The following ANK2 variants were observed in gnomAD, a reference collection of about 807,000 sequenced individuals.
ANK2 encodes ankyrin-2.
In ANK2, 83 loss-of-function variants were observed where a neutral mutation model predicts 360.5. That is an observed-to-expected ratio of 0.23 (90% CI 0.19 to 0.28). The LOEUF (loss-of-function observed/expected upper bound fraction) is 0.28, where lower values mean the gene tolerates loss of function less well. ANK2 is among the 10% of genes least tolerant of loss of function. ANK2 has a pLI of 1.00. For synonymous variants in ANK2, 1,740 were observed against 1,759.5 expected (o/e 0.99, Z 0.28); for missense variants, 4,201 against 4,795.7 (o/e 0.88, Z 3.66).
intron 5 of ANK2, among the ~76,000 whole-genome samples, chr4:113,233,698 G>A (rs551643417): frequency 1.1e-3 from 174 of 152,068 alleles, no homozygotes; most frequent in Admixed American, 3.6e-3. Context: ...ATTGCAACAA[G>A]TTTCTGACAG....
the ANK2 span, among the ~76,000 whole-genome samples, chr4:112,772,492 G>A: frequency 6.6e-6 from 1 of 152,014 alleles, no homozygotes; most frequent in Non-Finnish European, 1.5e-5. Context: ...AGCATATCCT[G>A]AACCCTGTGA....
chr4:112,736,800 A>G, the ANK2 span, among the ~76,000 whole-genome samples: 1,776 of 152,310 alleles, frequency 0.012, 18 homozygotes, highest in Middle Eastern at 0.031. Flanking sequence ...TCATGTAGTG[A>G]GATTGCTGAT....
chr4:113,357,510 C>G lies in ANK2; in HGVS notation c.8892C>G (p.Ile2964Met), dbSNP rs62313245. ...FHSSEVYSVT[I>M]TSPVEDVVVA... The stretch of plus-strand genomic sequence containing the variant: ...CTTCTGAAGTGTATTCTGTTACCAT[C>G]ACATCCCCTGTTGAAGACGTTGTAG... Residue 2964 changes from isoleucine (I) to methionine (M), a missense_variant, in exon 38 of 46, where the codon ATC becomes ATG. Transcript: ENST00000357077. 3.0e-4 allele frequency: 486 copies of G among 1,614,116 alleles called. No homozygotes were observed. The highest frequency in any genetic ancestry group is 3.8e-4 in the Non-Finnish European group (448 of 1,179,986).
intron 4 of ANK2, among the ~76,000 whole-genome samples, chr4:113,227,078 A>G (rs976615991): frequency 6.6e-6 from 1 of 152,188 alleles, no homozygotes; most frequent in Non-Finnish European, 1.5e-5. Context: ...ATGCTTTCCT[A>G]TAAAGTTTAC....
At chr4:112,933,916 T>C (rs2154240003) in intron 2 of ANK2, among the ~76,000 whole-genome samples, 1 of 152,232 alleles carries the variant, frequency 6.6e-6, no homozygotes, top group South Asian at 2.1e-4. Context: ...TTTTTTTTTT[T>C]TGAGAAGCAA....
chr4:113,163,618 G>T (rs1028074491), intron 1 of ANK2, among the ~76,000 whole-genome samples: 36 of 151,680 alleles, frequency 2.4e-4, no homozygotes, highest in African/African-American at 8.0e-4. Flanking sequence ...TACAAAATTA[G>T]CCTGGCATGG....
rs2065382333 is a variant in ANK2, at chr4:113,287,706, A to G, written c.2178+3A>G. 4 of 1,599,210 alleles carry G rather than the reference A, an allele frequency of 2.5e-6. No individual in the cohort carries two copies. In the East Asian group the frequency reaches 8.9e-5, roughly 36 times the overall value. ...CTGATCAGGATGCTCATACAAAGGTAAAGCAAATCACTCTCAGTATTGTGA... is the reference window on the plus strand; with the variant it reads ...CTGATCAGGATGCTCATACAAAGGTGAAGCAAATCACTCTCAGTATTGTGA... On this transcript the variant is annotated splice_donor_region_variant and intron_variant, in intron 19 of 45. Coordinates refer to ENST00000357077, the MANE Select transcript of ANK2 (RefSeq NM_001148.6).
intron 2 of ANK2, among the ~76,000 whole-genome samples, chr4:112,994,521 T>G (rs2047889381): frequency 6.6e-6 from 1 of 152,228 alleles, no homozygotes; most frequent in African/African-American, 2.4e-5. Flanking sequence ...GTTAAAGTAC[T>G]CAGAATGTAA....
At chr4:113,184,265 A>T (rs1022544723) in intron 2 of ANK2, among the ~76,000 whole-genome samples, 1 of 151,820 alleles carries the variant, frequency 6.6e-6, no homozygotes, top group Non-Finnish European at 1.5e-5. Context: ...AAAAGGAGGT[A>T]TACAGAAGTG....
At chr4:112,860,312 C>T (rs1316491872) in intron 1 of ANK2, among the ~76,000 whole-genome samples, 5 of 152,010 alleles carry the variant, frequency 3.3e-5, no homozygotes, top group Non-Finnish European at 7.4e-5. Context: ...CTGCAACCTC[C>T]GCCTCCCGGG....
chr4:112,808,026 A>G, the ANK2 span, among the ~76,000 whole-genome samples: 3 of 152,222 alleles, frequency 2.0e-5, no homozygotes, highest in African/African-American at 7.2e-5. Context: ...GTTCAAGAAA[A>G]TGAAGGTCTA....
intron 1 of ANK2, among the ~76,000 whole-genome samples, chr4:113,171,859 A>G (rs2097969923): frequency 6.6e-6 from 1 of 152,170 alleles, no homozygotes; most frequent in Non-Finnish European, 1.5e-5. Context: ...TATACTCCTC[A>G]GCAATACCTG....
At chr4:113,013,224 C>T (rs2154293269) in intron 2 of ANK2, among the ~76,000 whole-genome samples, 1 of 152,196 alleles carries the variant, frequency 6.6e-6, no homozygotes, top group Non-Finnish European at 1.5e-5. Flanking sequence ...ATCTACAGAA[C>T]CAGGGTGGTA....
the ANK2 span, among the ~76,000 whole-genome samples, chr4:112,705,996 T>C: frequency 3.3e-5 from 5 of 150,900 alleles, no homozygotes; most frequent in African/African-American, 7.3e-5. Flanking sequence ...CCCCTTCCAC[T>C]CTGCGGCGCA....
At chr4:112,995,474 T>C (rs1321574732) in intron 2 of ANK2, among the ~76,000 whole-genome samples, 1 of 152,208 alleles carries the variant, frequency 6.6e-6, no homozygotes, top group African/African-American at 2.4e-5. Context: ...TTTAAGTTTC[T>C]TATAGATTCT....
At chr4:113,323,698 C>G (rs2087824281) in intron 26 of ANK2, 2 of 1,508,070 alleles carry the variant, frequency 1.3e-6, no homozygotes, top group Non-Finnish European at 1.8e-6. Flanking sequence ...CTTCTGAGTT[C>G]CTTCCTTATA....
chr4:113,225,564 A>G (rs2099208868), intron 4 of ANK2, among the ~76,000 whole-genome samples: 1 of 152,184 alleles, frequency 6.6e-6, no homozygotes, highest in Non-Finnish European at 1.5e-5. Context: ...TGAAAAGTTA[A>G]GATTCTTTAA....
intron 2 of ANK2, among the ~76,000 whole-genome samples, chr4:113,010,761 C>A (rs550734581): frequency 6.6e-6 from 1 of 152,140 alleles, no homozygotes; most frequent in South Asian, 2.1e-4. Context: ...CAGGTGTACA[C>A]AGTTTTTAAC....
intron 15 of ANK2, among the ~76,000 whole-genome samples, 175 bp downstream of exon 15, chr4:113,274,824 A>G (rs972876723): frequency 6.6e-6 from 1 of 152,218 alleles, no homozygotes; most frequent in Non-Finnish European, 1.5e-5. Flanking sequence ...GAGATTCCGT[A>G]TATCTTCAAT....
Sources: allele counts gnomAD v4.1 joint callset (sites outside exome capture counted in the v4.1 genomes callset), GRCh38; gene constraint gnomAD v4.1.1; transcripts MANE v1.5; gene names NCBI Gene and HGNC (gene_info 2026-07-23, HGNC 2026-07-21).